Variants in NEGR1 observed in about 807,000 individuals in gnomAD.
NEGR1 encodes neuronal growth regulator 1.
A neutral mutation model predicts 40.9 loss-of-function variants in NEGR1; 10 were observed. The ratio of observed to expected loss-of-function variants is 0.24; its 90% CI spans 0.15 to 0.42. The LOEUF is 0.42. Among genes scored for constraint, NEGR1 ranks in the 10% least tolerant of loss-of-function variants. NEGR1 has a pLI of 1.00. For synonymous variants in NEGR1, 185 were observed against 166.8 expected (o/e 1.11, Z -0.84); for missense variants, 352 against 438.9 (o/e 0.80, Z 1.77).
At chr1:72,012,842 C>CATACATATATATAT (rs1553130329) in intron 1 of NEGR1, among the ~76,000 whole-genome samples, 1 of 140,172 alleles carries the variant, frequency 7.1e-6, no homozygotes, top group East Asian at 2.1e-4. Context: ...TATATACATA[C>CATACATATATATAT]ATATATATAT....
chr1:72,079,314 T>A (rs944549368), intron 1 of NEGR1, among the ~76,000 whole-genome samples: 11 of 152,064 alleles, frequency 7.2e-5, no homozygotes, highest in African/African-American at 2.2e-4. Flanking sequence ...ATCCATCACA[T>A]TAATTCTTTA....
At chr1:71,561,224 C>T (rs1426583130) in intron 6 of NEGR1, among the ~76,000 whole-genome samples, 1 of 151,664 alleles carries the variant, frequency 6.6e-6, no homozygotes, top group Non-Finnish European at 1.5e-5. Context: ...ATGATTAAAG[C>T]AAGCCCCTAA....
chr1:71,811,592 T>C (rs1202816827), intron 2 of NEGR1, among the ~76,000 whole-genome samples: 1 of 150,946 alleles, frequency 6.6e-6, no homozygotes, highest in Non-Finnish European at 1.5e-5. Flanking sequence ...ATAATTTACT[T>C]ATAAGTAAGT....
At chr1:72,229,259 T>A (rs1654281570) in intron 1 of NEGR1, among the ~76,000 whole-genome samples, 1 of 151,330 alleles carries the variant, frequency 6.6e-6, no homozygotes, top group African/African-American at 2.4e-5. Flanking sequence ...CTGGAATCCA[T>A]ATATTACCTC....
intron 6 of NEGR1, among the ~76,000 whole-genome samples, chr1:71,561,741 G>A (rs1648464209): frequency 6.6e-6 from 1 of 151,628 alleles, no homozygotes; most frequent in Admixed American, 6.6e-5. Flanking sequence ...CAGATATGTT[G>A]AGTTCCAGAG....
At chr1:72,082,944 G>A (rs1648064835) in intron 1 of NEGR1, among the ~76,000 whole-genome samples, 1 of 152,038 alleles carries the variant, frequency 6.6e-6, no homozygotes, top group Non-Finnish European at 1.5e-5. Flanking sequence ...CGGGATTATG[G>A]AGTGTATGTC....
chr1:71,530,004 G>T (rs369948283), intron 6 of NEGR1, among the ~76,000 whole-genome samples: 5 of 151,186 alleles, frequency 3.3e-5, no homozygotes, highest in South Asian at 2.1e-4. Context: ...CAGAACTTAT[G>T]ATCATAAATG....
intron 6 of NEGR1, among the ~76,000 whole-genome samples, chr1:71,464,237 G>C (rs1256301282): frequency 1.3e-5 from 2 of 152,122 alleles, no homozygotes; most frequent in Non-Finnish European, 2.9e-5. Flanking sequence ...AGTGCCACAT[G>C]TTGCTAGGCA....
intron 4 of NEGR1, among the ~76,000 whole-genome samples, chr1:71,662,614 T>A (rs1652103736): frequency 6.6e-6 from 1 of 152,002 alleles, no homozygotes; most frequent in Admixed American, 6.5e-5. Flanking sequence ...GAAGTGATTT[T>A]AAAGTACTTT....
At chr1:71,687,198 G>T (rs1653068740) in intron 4 of NEGR1, among the ~76,000 whole-genome samples, 1 of 152,142 alleles carries the variant, frequency 6.6e-6, no homozygotes, top group Non-Finnish European at 1.5e-5. Context: ...CAACTGGGGA[G>T]GAGGCTTAAG....
chr1:72,233,963 T>C (rs1211567), intron 1 of NEGR1, among the ~76,000 whole-genome samples: 3,324 of 152,192 alleles, frequency 0.022, 55 homozygotes, highest in African/African-American at 0.032. Context: ...CCAAAAGCTG[T>C]TATTTTTTTA....
chr1:72,250,216 T>C (rs1212912397), intron 1 of NEGR1, among the ~76,000 whole-genome samples: 1 of 152,058 alleles, frequency 6.6e-6, no homozygotes, highest in Admixed American at 6.6e-5. Flanking sequence ...TCCCACAGTA[T>C]CATAAGACAA....
chr1:72,014,611 C>T (rs908367683), intron 1 of NEGR1, among the ~76,000 whole-genome samples: 3 of 151,828 alleles, frequency 2.0e-5, no homozygotes, highest in Non-Finnish European at 4.4e-5. Context: ...TGCACAAAAC[C>T]TTTAAAAATG....
intron 2 of NEGR1, among the ~76,000 whole-genome samples, chr1:71,804,558 T>C (rs1301277886): frequency 2.6e-5 from 4 of 152,332 alleles, no homozygotes; most frequent in African/African-American, 7.2e-5. Context: ...CCCAAATTAA[T>C]ACTTTTATAA....
At chr1:71,721,053 G>A (rs558731585) in intron 3 of NEGR1, among the ~76,000 whole-genome samples, 1 of 152,238 alleles carries the variant, frequency 6.6e-6, no homozygotes, top group East Asian at 1.9e-4. Context: ...GAAAATCAGA[G>A]ATGCAATAAG....
intron 1 of NEGR1, among the ~76,000 whole-genome samples, chr1:72,234,337 A>G (rs1439087979): frequency 6.6e-6 from 1 of 152,120 alleles, no homozygotes; most frequent in Non-Finnish European, 1.5e-5. Context: ...ATGGCTATAT[A>G]GTATTCCATT....
chr1:72,265,364 C>A (rs891978623), intron 1 of NEGR1, among the ~76,000 whole-genome samples: 5 of 150,894 alleles, frequency 3.3e-5, no homozygotes, highest in Non-Finnish European at 7.4e-5. Flanking sequence ...TTCTATTAAT[C>A]TTTGAGTACA....
chr1:72,167,088 A>G (rs1235855570), intron 1 of NEGR1, among the ~76,000 whole-genome samples: 2 of 152,126 alleles, frequency 1.3e-5, no homozygotes, highest in African/African-American at 4.8e-5. Context: ...AAGAATGGCC[A>G]CTGCCACTCA....
At chr1:71,658,795 AT>A (rs1651959010) in intron 4 of NEGR1, among the ~76,000 whole-genome samples, 1 of 152,164 alleles carries the variant, frequency 6.6e-6, no homozygotes, top group African/African-American at 2.4e-5. Flanking sequence ...CCTTCTTAGA[AT>A]TTTTAGAATT....
Sources: allele counts gnomAD v4.1 joint callset (sites outside exome capture counted in the v4.1 genomes callset), GRCh38; gene constraint gnomAD v4.1.1; transcripts MANE v1.5; gene names NCBI Gene and HGNC (gene_info 2026-07-23, HGNC 2026-07-21).